The following RAB3GAP2 variants were observed in gnomAD, a reference collection of about 807,000 sequenced individuals.
RAB3GAP2 encodes RAB3 GTPase activating non-catalytic protein subunit 2.
In RAB3GAP2, 87 loss-of-function variants were observed where a neutral mutation model predicts 185.3. That is an observed-to-expected ratio of 0.47 (90% CI 0.39 to 0.56). The LOEUF is 0.56. Ranked by LOEUF, RAB3GAP2 falls within the 20% of genes least tolerant of loss-of-function variation. The pLI, the probability that RAB3GAP2 is intolerant of heterozygous loss-of-function variation, is 0.00. For synonymous variants in RAB3GAP2, 554 were observed against 576.1 expected (o/e 0.96, Z 0.55); for missense variants, 1,492 against 1,638.2 (o/e 0.91, Z 1.54).
chr1:220,196,319 A>C lies in RAB3GAP2; in HGVS notation c.891T>G (p.Ser297Arg). 6.2e-7 allele frequency: 1 copy of C among 1,610,896 alleles called. No homozygotes were observed. ...TGATATACTGAGACATGGCAGGTGGACTATTTTTAATTGCTGCATTAAATC... is the reference window on the plus strand; with the variant it reads ...TGATATACTGAGACATGGCAGGTGGCCTATTTTTAATTGCTGCATTAAATC... ...IGGFNAAIKN[S>R]PPAMSQYITV... The change falls in exon 10 of 35, where the codon AGT becomes AGG. Residue 297 changes from serine (S) to arginine (R), a missense_variant. Ser to Arg is a moderately radical substitution (Grantham distance 110, BLOSUM62 -1). Coordinates refer to ENST00000358951, the MANE Select transcript of RAB3GAP2 (RefSeq NM_012414.4).
chr1:220,165,785 C>T (rs1658050917), intron 26 of RAB3GAP2, among the ~76,000 whole-genome samples: 2 of 152,176 alleles, frequency 1.3e-5, no homozygotes, highest in Admixed American at 6.5e-5. Context: ...ACTACTATTA[C>T]AGCCCTCATT....
At chr1:220,216,497 C>T (rs181237824) in intron 2 of RAB3GAP2, among the ~76,000 whole-genome samples, 307 of 152,226 alleles carry the variant, frequency 2.0e-3, no homozygotes, top group Non-Finnish European at 2.6e-3. Context: ...CAACATTACC[C>T]GATGGTTTCC....
At chr1:220,192,581 G>A (rs1389820491) in intron 13 of RAB3GAP2, among the ~76,000 whole-genome samples, 2 of 152,210 alleles carry the variant, frequency 1.3e-5, no homozygotes, top group African/African-American at 4.8e-5. Flanking sequence ...TGTAGATAAT[G>A]GTTGAAGGGA....
At chr1:220,241,094 A>G (rs1283395232) in intron 1 of RAB3GAP2, among the ~76,000 whole-genome samples, 2 of 152,116 alleles carry the variant, frequency 1.3e-5, no homozygotes, top group Non-Finnish European at 2.9e-5. Flanking sequence ...CATTCAATGA[A>G]TTATTCTAAC....
intron 28 of RAB3GAP2, among the ~76,000 whole-genome samples, chr1:220,159,698 C>G (rs1393675043): frequency 6.6e-6 from 1 of 152,052 alleles, no homozygotes; most frequent in African/African-American, 2.4e-5. Context: ...AAAATCTGTA[C>G]AGTCAAATAA....
At chr1:220,217,210 G>A (rs1659216786) in intron 2 of RAB3GAP2, among the ~76,000 whole-genome samples, 1 of 151,816 alleles carries the variant, frequency 6.6e-6, no homozygotes, top group African/African-American at 2.4e-5. Flanking sequence ...TAGCTCTTTG[G>A]AAGCTTGTCT....
At position 220,148,823 on chromosome 1, in the gene RAB3GAP2, AG is replaced by A. The variant is rs1315063085; in HGVS notation, c.*2427del. On this transcript the variant is annotated 3_prime_UTR_variant, in exon 35 of 35. Coordinates refer to ENST00000358951, the MANE Select transcript of RAB3GAP2 (RefSeq NM_012414.4). The stretch of plus-strand genomic sequence containing the variant: ...TATCTACATTTACCCTGGCCCCTCT[AG>A]TTCTGCATCTAAACAGAACCTGTAA... 3 of 152,168 alleles carry A rather than the reference AG, an allele frequency of 2.0e-5. No homozygotes were observed. Among genetic ancestry groups the A allele is most frequent in the African/African-American group, 7.2e-5 (3 of 41,442 alleles). 9.4% of individuals were successfully genotyped at this position (152,168 alleles called of 1,614,324 possible).
At chr1:220,250,838 T>C (rs886965685) in intron 1 of RAB3GAP2, among the ~76,000 whole-genome samples, 3 of 152,234 alleles carry the variant, frequency 2.0e-5, no homozygotes, top group African/African-American at 4.8e-5. Flanking sequence ...CTTGCCACTA[T>C]GTGAAGAAGA....
intron 1 of RAB3GAP2, among the ~76,000 whole-genome samples, chr1:220,237,476 A>T (rs1659614671): frequency 6.6e-6 from 1 of 152,268 alleles, no homozygotes; most frequent in South Asian, 2.1e-4. Flanking sequence ...AACCAGCGTT[A>T]TAGTTTCTCC....
At chr1:220,154,221 G>T in intron 31 of RAB3GAP2, 164 bp from the exon 32 acceptor site, 1 of 1,039,844 alleles carries the variant, frequency 9.6e-7, no homozygotes, top group Non-Finnish European at 1.3e-6. Flanking sequence ...GTATATAGTA[G>T]ACAGCCTTTA....
At chr1:220,187,151 TATAAA>T (rs1658521514) in intron 17 of RAB3GAP2, among the ~76,000 whole-genome samples, 1 of 152,206 alleles carries the variant, frequency 6.6e-6, no homozygotes, top group Admixed American at 6.5e-5. Flanking sequence ...TGTATGTAGC[TATAAA>T]ATAATAAGAA....
At chr1:220,250,094 AC>A (rs977811531) in intron 1 of RAB3GAP2, among the ~76,000 whole-genome samples, 1 of 152,114 alleles carries the variant, frequency 6.6e-6, no homozygotes, top group African/African-American at 2.4e-5. Flanking sequence ...CCAGAATAGT[AC>A]ATCCACCGAC....
chr1:220,245,732 A>C (rs1571926234), intron 1 of RAB3GAP2, among the ~76,000 whole-genome samples: 1 of 152,008 alleles, frequency 6.6e-6, no homozygotes, highest in Non-Finnish European at 1.5e-5. Context: ...GACAAACAAA[A>C]AGACAGCAGT....
chr1:220,239,002 G>A (rs922130745), intron 1 of RAB3GAP2, among the ~76,000 whole-genome samples: 2 of 151,994 alleles, frequency 1.3e-5, no homozygotes, highest in African/African-American at 2.4e-5. Flanking sequence ...TTTGCTAAAC[G>A]AATAGTAATT....
chr1:220,163,033 G>A (rs758107463), intron 27 of RAB3GAP2, among the ~76,000 whole-genome samples: 1 of 152,112 alleles, frequency 6.6e-6, no homozygotes, highest in Non-Finnish European at 1.5e-5. Flanking sequence ...AGTCGCACTC[G>A]GAGGCTGAGG....
At chr1:220,178,529 T>C (rs980189810) in intron 21 of RAB3GAP2, among the ~76,000 whole-genome samples, 8 of 152,192 alleles carry the variant, frequency 5.3e-5, no homozygotes, top group African/African-American at 1.9e-4. Context: ...GTTTTCTTTT[T>C]ATGGTTTGTT....
chr1:220,161,290 G>A (rs1279799128), intron 28 of RAB3GAP2, among the ~76,000 whole-genome samples: 1 of 152,128 alleles, frequency 6.6e-6, no homozygotes, highest in Non-Finnish European at 1.5e-5. Context: ...TTGGGTCTTG[G>A]CTGTGGTGCT....
chr1:220,236,680 A>T (rs1161141301), intron 1 of RAB3GAP2, among the ~76,000 whole-genome samples: 1 of 152,172 alleles, frequency 6.6e-6, no homozygotes, highest in Non-Finnish European at 1.5e-5. Context: ...TTTAGAAAAA[A>T]AAAAAAAGGT....
Position 220,171,884 on chromosome 1 carries a change from CTT to C in RAB3GAP2, c.2577+3_2577+4del, listed in dbSNP as rs746908418. The C allele has an allele frequency of 5.0e-6, 8 of 1,614,130 alleles. No individual in the cohort carries two copies. The Middle Eastern group carries it at 1.3e-3, about 266-fold the overall frequency. ...CAGATCAAAGCCATACCTTTACCCA[CTT>C]ACTTTTTTCTCTGTCATGTTGTTTG... On this transcript the variant is annotated splice_donor_region_variant and intron_variant, in intron 23 of 34. Transcript: ENST00000358951.
Sources: gnomAD v4.1 joint callset for allele counts (sites outside exome capture counted in the v4.1 genomes callset) on GRCh38, gnomAD v4.1.1 for gene constraint, MANE v1.5 for transcripts, NCBI Gene and HGNC (gene_info 2026-07-23, HGNC 2026-07-21) for gene names.